Variants in DMXL1 observed in about 807,000 individuals in gnomAD.
DMXL1 encodes dmX-like protein 1.
DMXL1 carries 99 observed loss-of-function variants against 319.2 expected under a neutral mutation model. The observed-to-expected ratio is 0.31, with a 90% CI of 0.26 to 0.37. DMXL1 has a LOEUF of 0.37. Among genes scored for constraint, DMXL1 ranks in the 10% least tolerant of loss-of-function variants. The pLI, the probability that DMXL1 is intolerant of heterozygous loss-of-function variation, is 1.00. For missense variants in DMXL1, 3,745 were observed against 3,595.6 expected (o/e 1.04, Z -1.06); for synonymous variants, 1,385 against 1,235.2 (o/e 1.12, Z -2.54).
At position 119,188,541 on chromosome 5, in the gene DMXL1, A is replaced by G. The variant is rs1032920997; in HGVS notation, c.7136-1167A>G. ...TCACTTGATGAGAAGTTGGTAAACT[A>G]CCGTTTAAGTTTTAGAATGTGTGTT... On this transcript the variant is annotated intron_variant, in intron 28 of 43. Coordinates refer to ENST00000539542, the MANE Select transcript of DMXL1 (RefSeq NM_001290321.3). 1.3e-4 allele frequency among the ~76,000 whole-genome samples: 20 copies of G among 152,350 alleles called. No homozygotes were observed. The South Asian group carries it at 1.7e-3, about 13-fold the overall frequency.
intron 26 of DMXL1, among the ~76,000 whole-genome samples, chr5:119,176,653 C>T (rs137890151): frequency 4.5e-4 from 69 of 152,012 alleles, no homozygotes; most frequent in Non-Finnish European, 5.9e-4. Context: ...CCAATAAATG[C>T]GCTATATTTA....
intron 1 of DMXL1, among the ~76,000 whole-genome samples, chr5:119,094,323 T>C (rs189384128): frequency 6.6e-6 from 1 of 152,338 alleles, no homozygotes; most frequent in East Asian, 1.9e-4. Context: ...TTAAGAATTA[T>C]GCTAAACCTA....
chr5:119,156,968 A>G (rs573900972), intron 19 of DMXL1, among the ~76,000 whole-genome samples: 21 of 149,430 alleles, frequency 1.4e-4, no homozygotes, highest in South Asian at 1.1e-3. Flanking sequence ...GGACATTCAT[A>G]TGTCTTCATT....
At chr5:119,172,896 A>G (rs1016992307) in intron 25 of DMXL1, among the ~76,000 whole-genome samples, 2 of 152,080 alleles carry the variant, frequency 1.3e-5, no homozygotes, top group Non-Finnish European at 2.9e-5. Context: ...ATTTTTCTGT[A>G]CTGCTCTGTA....
chr5:119,178,290 G>C (rs750162133), intron 28 of DMXL1, 46 bp downstream of exon 28: 1 of 1,565,410 alleles, frequency 6.4e-7, no homozygotes, highest in South Asian at 1.2e-5. Flanking sequence ...ATTTATCTGA[G>C]TGATATCATT....
In DMXL1 at chr5:119,171,900, G is replaced by C. The variant is rs768930761; in HGVS notation, c.6612G>C (p.Leu2204=). The change falls in exon 25 of 44, where the codon CTG becomes CTC. Residue 2204 remains leucine (L), a synonymous_variant. Coordinates refer to ENST00000539542, the MANE Select transcript of DMXL1 (RefSeq NM_001290321.3). ...VANPLLHLSN[L]THDILHAIIN... is the part of the protein sequence containing the mutation. ...ATCCATTATTGCACCTTAGTAATCT[G>C]ACACATGATATTCTCCATGCCATAA... 3.1e-6 allele frequency: 5 copies of C among 1,613,722 alleles called. No individual in the cohort carries two copies. The East Asian group carries it at 1.1e-4, about 36-fold the overall frequency.
chr5:119,164,116 A>G (rs1772901850), intron 19 of DMXL1, among the ~76,000 whole-genome samples: 1 of 150,182 alleles, frequency 6.7e-6, no homozygotes, highest in Non-Finnish European at 1.5e-5. Flanking sequence ...TTTTTTACTA[A>G]TTCCATGGAA....
rs1443653390 is a variant in DMXL1, at chr5:119,120,968, C to T, written c.934-3C>T. 1.2e-6 allele frequency: 2 copies of T among 1,602,986 alleles called. No homozygotes were observed. Among genetic ancestry groups the T allele is most frequent in the African/African-American group, 2.7e-5 (2 of 74,666 alleles). On this transcript the variant is annotated splice_region_variant and splice_polypyrimidine_tract_variant and intron_variant, in intron 8 of 43. Coordinates refer to ENST00000539542, the MANE Select transcript of DMXL1 (RefSeq NM_001290321.3). ...GGTATTAGTTTTGTTTCTATTCACA[C>T]AGGTAAATCTGAGACATTTTCGTAG...
rs559570101 is a variant in DMXL1 at position 119,232,286 on chromosome 5, ACT to A, written c.8339-1051_8339-1050del. 1.9e-4 allele frequency among the ~76,000 whole-genome samples: 29 copies of A among 152,060 alleles called. 1 individual carries two copies. In the South Asian group the frequency reaches 5.4e-3, roughly 28 times the overall value. ...CCAGTCAAATACCTAGTCTCAAAAA[ACT>A]CTACCTCCTACCGCTGCCCAATGGT... On this transcript the variant is annotated intron_variant, in intron 38 of 43. Transcript: ENST00000539542.
rs1787278163 is a variant in DMXL1, at chr5:119,234,133, T to G, written c.8466+666T>G. On this transcript the variant is annotated intron_variant, in intron 39 of 43. Transcript: ENST00000539542. ...TGCCAGACCTGCTCTAGAGCATCCT[T>G]TACTGTCTTCACTTCTCATAATCCT... is the stretch of plus-strand genomic sequence containing the variant. 2.6e-5 allele frequency among the ~76,000 whole-genome samples: 4 copies of G among 152,238 alleles called. No individual in the cohort carries two copies. The South Asian group carries it at 8.3e-4, about 32-fold the overall frequency.
At chr5:119,080,439 G>A (rs1008601680) in intron 1 of DMXL1, among the ~76,000 whole-genome samples, 5 of 151,924 alleles carry the variant, frequency 3.3e-5, no homozygotes, top group African/African-American at 9.7e-5. Context: ...TGTTTTGTTC[G>A]TCCTCCTGTG....
intron 43 of DMXL1, among the ~76,000 whole-genome samples, chr5:119,246,775 A>C (rs1411247779): frequency 6.6e-6 from 1 of 151,694 alleles, no homozygotes; most frequent in Non-Finnish European, 1.5e-5. Context: ...CTGGGATTAC[A>C]GGCATGTGCC....
rs760000436 is a variant in DMXL1 at position 119,150,764 on chromosome 5, G to A, written c.4594+343G>A. Among the ~76,000 whole-genome samples, 5 of 151,770 alleles carry A rather than the reference G, an allele frequency of 3.3e-5. 1 individual carries two copies. In the South Asian group the frequency reaches 8.3e-4, roughly 25 times the overall value. ...TGATTGTGCCACTGCACTACAGCCT[G>A]GACAATAGAGCAAGACCCTGTCTCT... On this transcript the variant is annotated intron_variant, in intron 18 of 43. Coordinates refer to ENST00000539542, the MANE Select transcript of DMXL1 (RefSeq NM_001290321.3).
chr5:119,196,020 A>G (rs1488876270), intron 30 of DMXL1, among the ~76,000 whole-genome samples: 2 of 152,154 alleles, frequency 1.3e-5, no homozygotes, highest in Admixed American at 1.3e-4. Flanking sequence ...GTGGCATACT[A>G]CATACAGTGT....
At chr5:119,208,503 C>T (rs767622932) in intron 34 of DMXL1, among the ~76,000 whole-genome samples, 23 of 152,094 alleles carry the variant, frequency 1.5e-4, no homozygotes, top group Admixed American at 9.2e-4. Context: ...TGTGAGACAC[C>T]GTGCCCAGCC....
chr5:119,148,479 C>G (rs1769063057), intron 17 of DMXL1, among the ~76,000 whole-genome samples: 1 of 152,062 alleles, frequency 6.6e-6, no homozygotes, highest in Non-Finnish European at 1.5e-5. Context: ...CCTTTCAACT[C>G]TAGGTTTTGG....
At chr5:119,148,584 T>C (rs1429584722) in intron 17 of DMXL1, among the ~76,000 whole-genome samples, 155 bp from the exon 18 acceptor site, 1 of 152,156 alleles carries the variant, frequency 6.6e-6, no homozygotes, top group African/African-American at 2.4e-5. Flanking sequence ...ATATAGGCTG[T>C]CTATTATGCA....
rs770185219 is a variant in DMXL1 at position 119,116,240 on chromosome 5, A to G, written c.647A>G (p.Gln216Arg). The G allele has an allele frequency of 1.4e-5, 22 of 1,614,024 alleles. No individual in the cohort carries two copies. The African/African-American group carries it at 1.9e-4, about 14-fold the overall frequency. Reference sequence around the variant, plus strand: ...TCTCCAGATGGAAGTTCAGAAAAACAATCCCAAGGAGAAATTGACTTTTCT... The same window carrying G: ...TCTCCAGATGGAAGTTCAGAAAAACGATCCCAAGGAGAAATTGACTTTTCT... ...VTSPDGSSEK[Q>R]SQGEIDFSFV... The change falls in exon 7 of 44, where the codon CAA (glutamine) becomes CGA (arginine). Residue 216 changes from glutamine (Q) to arginine (R), a missense_variant. Around this residue, in one of 4 missense-constraint regions of DMXL1, gnomAD observed 2,096 missense variants for 1,985.4 expected, o/e 1.06. Transcript: ENST00000539542.
chr5:119,129,593 T>C (rs1764351489), intron 10 of DMXL1, among the ~76,000 whole-genome samples, 170 bp downstream of exon 10: 1 of 152,228 alleles, frequency 6.6e-6, no homozygotes. Context: ...TATAGGTAGC[T>C]TTCTTCCACA....
Sources: allele counts gnomAD v4.1 joint callset (sites outside exome capture counted in the v4.1 genomes callset), GRCh38; gene constraint gnomAD v4.1.1; regional missense constraint gnomAD v4.1.1; transcripts MANE v1.5; gene names NCBI Gene and HGNC (gene_info 2026-07-23, HGNC 2026-07-21).